The following AATF variants were observed in gnomAD, a reference collection of about 807,000 sequenced individuals.
AATF encodes apoptosis antagonizing transcription factor.
In AATF, 48 loss-of-function variants were observed where a neutral mutation model predicts 63.7. The observed-to-expected ratio is 0.75, with a 90% CI of 0.60 to 0.96. AATF has a LOEUF of 0.96. Ranked by LOEUF, AATF falls within the 40% of genes least tolerant of loss-of-function variation. The pLI is 0.00. For missense variants in AATF, 639 were observed against 685.7 expected (o/e 0.93, Z 0.76); for synonymous variants, 258 against 247.7 (o/e 1.04, Z -0.39).
intron 11 of AATF, among the ~76,000 whole-genome samples, chr17:37,044,818 CA>C (rs1444453666): frequency 6.6e-6 from 1 of 152,070 alleles, no homozygotes; most frequent in Non-Finnish European, 1.5e-5. Context: ...TGTCGGTGCT[CA>C]AAAAGTTTTA....
chr17:36,972,589 C>T (rs2071047453), intron 4 of AATF, among the ~76,000 whole-genome samples: 1 of 151,882 alleles, frequency 6.6e-6, no homozygotes, highest in South Asian at 2.1e-4. Context: ...TTTTGTTACA[C>T]CTATATACAT....
chr17:36,954,066 T>C (rs2070879571), intron 4 of AATF, among the ~76,000 whole-genome samples, 159 bp downstream of exon 4: 1 of 122,636 alleles, frequency 8.2e-6, no homozygotes, highest in Non-Finnish European at 1.7e-5. Flanking sequence ...TCCAAGTTGC[T>C]TTTTTTTTTT....
intron 11 of AATF, chr17:37,045,334 A>C (rs1567996375): frequency 6.6e-6 from 1 of 152,266 alleles, no homozygotes; most frequent in Non-Finnish European, 1.5e-5. Context: ...ATAGATGAGG[A>C]AACATCAGCC....
chr17:37,007,344 C>T (rs1287952075), intron 8 of AATF, among the ~76,000 whole-genome samples: 1 of 150,440 alleles, frequency 6.6e-6, no homozygotes, highest in African/African-American at 2.5e-5. Context: ...TATGCCACCA[C>T]ACCTGGCTAA....
intron 8 of AATF, among the ~76,000 whole-genome samples, chr17:36,996,417 G>C (rs2071255534): frequency 6.6e-6 from 1 of 152,158 alleles, no homozygotes; most frequent in Admixed American, 6.5e-5. Context: ...CTGGGCGACA[G>C]AGAATAAATA....
intron 8 of AATF, among the ~76,000 whole-genome samples, chr17:37,003,273 A>G (rs988453243): frequency 2.6e-5 from 4 of 152,134 alleles, no homozygotes; most frequent in Non-Finnish European, 4.4e-5. Context: ...AAGAATGAAG[A>G]TGGAGCCTTC....
intron 8 of AATF, among the ~76,000 whole-genome samples, chr17:37,010,649 G>A (rs150711308): frequency 3.3e-5 from 5 of 152,204 alleles, no homozygotes; most frequent in Admixed American, 6.5e-5. Flanking sequence ...GAACAGCAAA[G>A]GTATGGTGCA....
At chr17:37,031,384 AT>A (rs2071550740) in intron 10 of AATF, 1 of 555,744 alleles carries the variant, frequency 1.8e-6, no homozygotes, top group Admixed American at 3.1e-5. Flanking sequence ...GCATCCGTGG[AT>A]TTTTGTATCC....
chr17:37,037,620 A>G (rs1033716699), intron 11 of AATF, among the ~76,000 whole-genome samples: 21 of 152,214 alleles, frequency 1.4e-4, no homozygotes, highest in African/African-American at 5.1e-4. Context: ...TAAACATGCT[A>G]TGCGTATATC....
intron 8 of AATF, among the ~76,000 whole-genome samples, chr17:37,014,084 A>T (rs1479917373): frequency 1.3e-5 from 2 of 152,058 alleles, no homozygotes; most frequent in African/African-American, 4.8e-5. Flanking sequence ...TCATTTACTG[A>T]AGTACATCTT....
chr17:36,949,062 C>A lies in AATF; in HGVS notation c.-64C>A. 7.1e-7 allele frequency: 1 copy of A among 1,401,770 alleles called. No homozygotes were observed. Among genetic ancestry groups the A allele is most frequent in the Admixed American group, 2.0e-5 (1 of 49,460 alleles). The allele number at this position is 1,401,770 out of a possible 1,614,324, so 86.8% of individuals were successfully genotyped here. Reference sequence around the variant, plus strand: ...AGAGGATCCGGCAGGGAAGGAGCTTCGGGGCCGGGGGTTGGGCCGCACATT... The same window carrying A: ...AGAGGATCCGGCAGGGAAGGAGCTTAGGGGCCGGGGGTTGGGCCGCACATT... On this transcript the variant is annotated 5_prime_UTR_variant, in exon 1 of 12. Transcript: ENST00000619387.
chr17:37,016,033 G>A (rs1567984944), intron 8 of AATF, among the ~76,000 whole-genome samples: 3 of 152,182 alleles, frequency 2.0e-5, no homozygotes, highest in Admixed American at 6.5e-5. Context: ...CCCACCTTGC[G>A]TGGTAACTGC....
intron 2 of AATF, among the ~76,000 whole-genome samples, chr17:36,952,429 G>A (rs1567962300): frequency 2.6e-5 from 4 of 152,214 alleles, no homozygotes; most frequent in East Asian, 1.9e-4. Context: ...TAGGGCAGAC[G>A]GATGTGATAG....
chr17:37,047,572 A>C (rs2071703932), intron 11 of AATF, among the ~76,000 whole-genome samples: 1 of 152,052 alleles, frequency 6.6e-6, no homozygotes, highest in Admixed American at 6.5e-5. Flanking sequence ...AACATTTATA[A>C]ATCTTGAGTC....
At chr17:37,028,282 G>A (rs187425327) in intron 10 of AATF, among the ~76,000 whole-genome samples, 1 of 152,160 alleles carries the variant, frequency 6.6e-6, no homozygotes, top group East Asian at 1.9e-4. Flanking sequence ...GCCAGGCATG[G>A]TGGCGCACAC....
intron 5 of AATF, among the ~76,000 whole-genome samples, chr17:36,987,845 A>G (rs2071180997): frequency 6.6e-6 from 1 of 152,204 alleles, no homozygotes; most frequent in Non-Finnish European, 1.5e-5. Flanking sequence ...TATTGATTTG[A>G]GGATTAAGGT....
chr17:37,006,086 ATGAT>A (rs1382754584), intron 8 of AATF, among the ~76,000 whole-genome samples: 5 of 152,126 alleles, frequency 3.3e-5, no homozygotes, highest in Non-Finnish European at 5.9e-5. Flanking sequence ...ACAGTGAACT[ATGAT>A]TGTGCCGCTA....
intron 11 of AATF, among the ~76,000 whole-genome samples, chr17:37,049,604 CAA>C (rs773061471): frequency 3.6e-4 from 23 of 63,106 alleles, no homozygotes; most frequent in Non-Finnish European, 2.4e-4. Context: ...GACTCCGTCT[CAA>C]AAAAAAAAAA....
chr17:36,967,830 A>G (rs1363512592), intron 4 of AATF, among the ~76,000 whole-genome samples: 1 of 149,832 alleles, frequency 6.7e-6, no homozygotes, highest in East Asian at 1.9e-4. Flanking sequence ...GCAATTGGTA[A>G]GTCAGAAGCT....
Sources: gnomAD v4.1 joint callset for allele counts (sites outside exome capture counted in the v4.1 genomes callset) on GRCh38, gnomAD v4.1.1 for gene constraint, MANE v1.5 for transcripts, NCBI Gene and HGNC (gene_info 2026-07-23, HGNC 2026-07-21) for gene names.